Variants in CDH13 observed in about 807,000 individuals in gnomAD.
The protein encoded by CDH13 is cadherin-13.
Under a neutral mutation model 63.8 loss-of-function variants are expected in CDH13, and 24 were observed. The observed-to-expected ratio is 0.38, with a 90% confidence interval of 0.27 to 0.53. The LOEUF (loss-of-function observed/expected upper bound fraction) is 0.53, where lower values mean the gene tolerates loss of function less well. Among genes scored for constraint, CDH13 ranks in the 20% least tolerant of loss-of-function variants. CDH13 has a pLI of 0.85. For missense variants in CDH13, 1,049 were observed against 903.1 expected, an observed-to-expected ratio of 1.16 and a Z score of -2.07; for synonymous variants, 503 against 355.3, an observed-to-expected ratio of 1.42 and a Z score of -4.67.
intron 2 of CDH13, among the ~76,000 whole-genome samples, chr16:82,862,341 C>G (rs780024304): frequency 2.8e-4 from 43 of 152,336 alleles, no homozygotes; most frequent in South Asian, 6.2e-4. Flanking sequence ...TAAAATCTGA[C>G]TATCCTATGT....
intron 11 of CDH13, among the ~76,000 whole-genome samples, chr16:83,752,132 A>G (rs552219811): frequency 6.6e-6 from 1 of 152,388 alleles, no homozygotes; most frequent in East Asian, 1.9e-4. Flanking sequence ...AGGGTTCTGT[A>G]GTATGTAGAA....
chr16:83,691,027 T>C (rs575992821), intron 10 of CDH13, among the ~76,000 whole-genome samples: 1 of 151,834 alleles, frequency 6.6e-6, no homozygotes, highest in East Asian at 1.9e-4. Context: ...AGGCCCTGAA[T>C]GTTTTGAAGG....
In CDH13 at chr16:82,644,366, C is replaced by A. The variant is rs1293012344; in HGVS notation, c.45+17229C>A. ...GCGTCTCCCTCTGTGCTCTCCATCA[C>A]CCCCCTACGGAGTTCCTTTGATTCT... On this transcript the variant is annotated intron_variant, in intron 1 of 13. Coordinates refer to ENST00000567109, the MANE Select transcript of CDH13 (RefSeq NM_001257.5). This position sits in a 1 kb window ranked among gnomAD's most constrained non-coding sequence, Gnocchi z 5.7. Among the ~76,000 whole-genome samples, 4 of 152,064 alleles carry A rather than the reference C, an allele frequency of 2.6e-5. No individual in the cohort carries two copies. The highest frequency in any genetic ancestry group is 4.4e-5 in the Non-Finnish European group (3 of 67,994).
At chr16:83,486,160 G>A (rs973893437) in intron 6 of CDH13, among the ~76,000 whole-genome samples, 2 of 115,318 alleles carry the variant, frequency 1.7e-5, no homozygotes, top group African/African-American at 6.9e-5. Context: ...GAATGTCCCT[G>A]TCACAAAGCC....
At chr16:83,740,744 A>T (rs1597156270) in intron 10 of CDH13, among the ~76,000 whole-genome samples, 1 of 152,254 alleles carries the variant, frequency 6.6e-6, no homozygotes, top group African/African-American at 2.4e-5. Context: ...GCTGTTATGG[A>T]GTCACAGAAG....
intron 10 of CDH13, among the ~76,000 whole-genome samples, chr16:83,704,082 A>G (rs1906651485): frequency 1.3e-5 from 2 of 152,172 alleles, no homozygotes; most frequent in Non-Finnish European, 2.9e-5. Flanking sequence ...CCTCACACCC[A>G]TCCCTAACTT....
At chr16:83,160,383 G>T (rs2037395608) in intron 4 of CDH13, among the ~76,000 whole-genome samples, 1 of 152,100 alleles carries the variant, frequency 6.6e-6, no homozygotes, top group South Asian at 2.1e-4. Flanking sequence ...TGATGAACTT[G>T]GTTTTCAAGC....
chr16:83,185,738 C>G (rs1408376960), intron 4 of CDH13, among the ~76,000 whole-genome samples: 1 of 152,216 alleles, frequency 6.6e-6, no homozygotes, highest in Non-Finnish European at 1.5e-5. Context: ...ATGGAATAAA[C>G]AGGCACTGTT....
chr16:82,742,832 A>C (rs1347501220), intron 1 of CDH13, among the ~76,000 whole-genome samples: 1 of 152,222 alleles, frequency 6.6e-6, no homozygotes, highest in African/African-American at 2.4e-5. Context: ...GCTGGTGGCA[A>C]CCTATACATC....
intron 6 of CDH13, among the ~76,000 whole-genome samples, chr16:83,463,585 G>A (rs1723789124): frequency 1.3e-5 from 2 of 152,112 alleles, no homozygotes; most frequent in South Asian, 4.1e-4. Flanking sequence ...AGGTTCACTT[G>A]AGCTTAAGAG....
Position 83,159,239 on chromosome 16 carries a change from G to C in CDH13, c.483+33738G>C, listed in dbSNP as rs531748074. Among the ~76,000 whole-genome samples, 4 of 152,174 alleles carry C rather than the reference G, an allele frequency of 2.6e-5. No individual in the cohort carries two copies. The East Asian group carries it at 5.8e-4, about 22-fold the overall frequency. On this transcript the variant is annotated intron_variant, in intron 4 of 13. Coordinates refer to ENST00000567109, the MANE Select transcript of CDH13 (RefSeq NM_001257.5). ...ATCAGTCTGCTGATTCTATATCTCT[G>C]AGTAACACTGTGAATTCCTGTGACT...
intron 1 of CDH13, among the ~76,000 whole-genome samples, chr16:82,649,860 T>C (rs981795819): frequency 6.6e-6 from 1 of 152,116 alleles, no homozygotes; most frequent in East Asian, 1.9e-4. Flanking sequence ...CCCTCATCTG[T>C]TGAATGGGAA....
intron 1 of CDH13, among the ~76,000 whole-genome samples, chr16:82,714,017 T>G (rs867847544): frequency 5.9e-5 from 9 of 152,218 alleles, no homozygotes; most frequent in Middle Eastern, 3.4e-3. Context: ...CAGGCTGGTC[T>G]CACACTCCTG....
chr16:82,930,676 C>G (rs1485025286), intron 2 of CDH13, among the ~76,000 whole-genome samples: 1 of 152,178 alleles, frequency 6.6e-6, no homozygotes, highest in Non-Finnish European at 1.5e-5. Context: ...GTTCTTAGGA[C>G]TCTGAGTAGT....
intron 6 of CDH13, among the ~76,000 whole-genome samples, chr16:83,437,421 A>C (rs1402678343): frequency 1.3e-5 from 2 of 152,158 alleles, no homozygotes; most frequent in African/African-American, 4.8e-5. Context: ...CATGCCTGTA[A>C]TCTCAGCGCT....
intron 6 of CDH13, among the ~76,000 whole-genome samples, chr16:83,349,363 C>T (rs543715167): frequency 6.6e-6 from 1 of 152,122 alleles, no homozygotes; most frequent in Non-Finnish European, 1.5e-5. Flanking sequence ...TCCAAGGCCC[C>T]ATCATGTCTT....
At chr16:83,131,243 C>T (rs1268781747) in intron 4 of CDH13, among the ~76,000 whole-genome samples, 1 of 148,132 alleles carries the variant, frequency 6.8e-6, no homozygotes, top group Non-Finnish European at 1.5e-5. Flanking sequence ...AGATCACTGC[C>T]AGCCCTGGGA....
At chr16:83,394,859 A>C (rs779175793) in intron 6 of CDH13, among the ~76,000 whole-genome samples, 11 of 152,086 alleles carry the variant, frequency 7.2e-5, no homozygotes, top group Non-Finnish European at 1.5e-4. Context: ...AAGAAAAGTC[A>C]AGGAAGGGCC....
chr16:83,561,289 A>C (rs952975861), intron 7 of CDH13, among the ~76,000 whole-genome samples: 1 of 151,820 alleles, frequency 6.6e-6, no homozygotes, highest in African/African-American at 2.4e-5. Context: ...TCTACTAAAA[A>C]AAAAAAATTA....
Sources: gnomAD v4.1 joint callset for allele counts (sites outside exome capture counted in the v4.1 genomes callset) on GRCh38, gnomAD v4.1.1 for gene constraint, Gnocchi (gnomAD v3.1) non-coding constraint, MANE v1.5 for transcripts, NCBI Gene and HGNC (gene_info 2026-07-23, HGNC 2026-07-21) for gene names.